The following VPS50 variants were observed in gnomAD, a reference collection of about 807,000 sequenced individuals.
VPS50 encodes syndetin.
Under a neutral mutation model 139.7 loss-of-function variants are expected in VPS50, and 70 were observed. That is an observed-to-expected ratio of 0.50 (90% CI 0.41 to 0.61). The LOEUF is 0.61. Among genes scored for constraint, VPS50 ranks in the 20% least tolerant of loss-of-function variants. The pLI, the probability that VPS50 is intolerant of heterozygous loss-of-function variation, is 0.00. For missense variants in VPS50, 921 were observed against 1,133.7 expected (o/e 0.81, Z 2.69); for synonymous variants, 365 against 376.7 (o/e 0.97, Z 0.36).
At chr7:93,330,773 A>AC (rs1336049194) in intron 21 of VPS50, among the ~76,000 whole-genome samples, 1 of 151,242 alleles carries the variant, frequency 6.6e-6, no homozygotes, top group Non-Finnish European at 1.5e-5. Flanking sequence ...AAAAAAAAAA[A>AC]AAAAAAAAAC....
intron 22 of VPS50, among the ~76,000 whole-genome samples, chr7:93,336,087 T>C (rs1257423636): frequency 6.6e-6 from 1 of 152,230 alleles, no homozygotes; most frequent in Admixed American, 6.5e-5. Context: ...AATTGATTTC[T>C]TGCTACTCAA....
intron 12 of VPS50, among the ~76,000 whole-genome samples, chr7:93,283,231 C>CTT (rs775610044): frequency 6.4e-5 from 9 of 140,612 alleles, no homozygotes; most frequent in African/African-American, 7.8e-5. Flanking sequence ...TTTTTCTTTT[C>CTT]TTTTTTTTTT....
chr7:93,331,567 T>C (rs1260589134), intron 21 of VPS50, among the ~76,000 whole-genome samples: 1 of 152,204 alleles, frequency 6.6e-6, no homozygotes, highest in African/African-American at 2.4e-5. Flanking sequence ...AACCCCTTCA[T>C]ACCATACACA....
intron 1 of VPS50, among the ~76,000 whole-genome samples, chr7:93,237,010 G>GC (rs1794827085): frequency 7.1e-6 from 1 of 141,154 alleles, no homozygotes; most frequent in Non-Finnish European, 1.5e-5. Context: ...GAGTGCAGTG[G>GC]AGCGATCTCG....
At chr7:93,297,522 C>G (rs115099610) in intron 16 of VPS50, among the ~76,000 whole-genome samples, 1,699 of 152,074 alleles carry the variant, frequency 0.011, 45 homozygotes, top group African/African-American at 0.039. Flanking sequence ...TCAAGGTTCA[C>G]AGAAAGAATT....
chr7:93,279,376 G>A (rs1796257100), intron 12 of VPS50, among the ~76,000 whole-genome samples: 1 of 152,148 alleles, frequency 6.6e-6, no homozygotes, highest in African/African-American at 2.4e-5. Context: ...ATAAAATATA[G>A]TGGTTAGCTG....
At chr7:93,235,066 C>T (rs1410833267) in intron 1 of VPS50, among the ~76,000 whole-genome samples, 8 of 151,930 alleles carry the variant, frequency 5.3e-5, no homozygotes, top group African/African-American at 1.9e-4. Flanking sequence ...AGGATGGCCA[C>T]GGAAGGCCTC....
chr7:93,323,739 C>T lies in VPS50; in HGVS notation c.1977+7C>T. 1 of 1,391,096 alleles carries T rather than the reference C, an allele frequency of 7.2e-7. No individual in the cohort carries two copies. Among genetic ancestry groups the T allele is most frequent in the Non-Finnish European group, 9.6e-7 (1 of 1,040,956 alleles). The allele number at this position is 1,391,096 out of a possible 1,614,324, so 86.2% of individuals were successfully genotyped here. A position where few individuals can be genotyped will look rare whatever the true frequency, so the allele number is the denominator to read the frequency against. ...TTTTGGTCGGAATGATTCAGTAAGT[C>T]CACCTTTAGAGGGAAAAAAATCTTT... is the stretch of plus-strand genomic sequence containing the variant. On this transcript the variant is annotated splice_region_variant and intron_variant, in intron 21 of 27. Transcript: ENST00000305866.
chr7:93,279,266 G>A (rs548057792), intron 12 of VPS50, among the ~76,000 whole-genome samples: 4 of 152,230 alleles, frequency 2.6e-5, no homozygotes, highest in African/African-American at 9.6e-5. Context: ...ATATTTGATG[G>A]TTAAATCAGG....
chr7:93,299,038 G>T (rs544031662), intron 16 of VPS50, among the ~76,000 whole-genome samples: 18 of 152,094 alleles, frequency 1.2e-4, no homozygotes, highest in Non-Finnish European at 2.1e-4. Context: ...ATTGTATATT[G>T]TAAAAATTGG....
intron 4 of VPS50, among the ~76,000 whole-genome samples, chr7:93,254,465 C>A (rs974335336): frequency 1.3e-5 from 2 of 152,092 alleles, no homozygotes; most frequent in African/African-American, 2.4e-5. Flanking sequence ...GATGACATCT[C>A]ACTGTTGCCC....
intron 21 of VPS50, chr7:93,333,775 T>C (rs1329215345): frequency 1.6e-5 from 4 of 251,040 alleles, no homozygotes; most frequent in Non-Finnish European, 3.0e-5. Flanking sequence ...CAGCACAGCA[T>C]ACCTTACATA....
rs565824673 is a variant in VPS50 at position 93,343,653 on chromosome 7, G to A, written c.2207+2078G>A. ...AGATCTCTCGGCAGAAACTCTACAA[G>A]CCAGAAGAGAGTAGGGGCCAATATT... On this transcript the variant is annotated intron_variant, in intron 23 of 27. Transcript: ENST00000305866. 1.5e-3 allele frequency among the ~76,000 whole-genome samples: 234 copies of A among 152,348 alleles called. 3 individuals are homozygous for A. Among genetic ancestry groups the A allele is most frequent in the African/African-American group, 5.6e-3 (231 of 41,582 alleles).
In VPS50 at chr7:93,299,226, T is replaced by C. The variant is rs769948453; in HGVS notation, c.1361+1983T>C. On this transcript the variant is annotated intron_variant, in intron 16 of 27. Coordinates refer to ENST00000305866, the MANE Select transcript of VPS50 (RefSeq NM_017667.4). ...TGGTAAAGTTGGTGCAAACCATCAA[T>C]GTGTTCTAAGGTATATTTGTTTCTT... Among the ~76,000 whole-genome samples, 46 of 152,236 alleles carry C rather than the reference T, an allele frequency of 3.0e-4. 1 individual carries two copies. Among genetic ancestry groups the C allele is most frequent in the Admixed American group, 2.6e-4 (4 of 15,276 alleles).
At position 93,274,932 on chromosome 7, in the gene VPS50, G is replaced by A. The variant is rs573353010; in HGVS notation, c.802-1233G>A. Among the ~76,000 whole-genome samples the A allele has an allele frequency of 3.9e-5, 6 of 152,248 alleles. No homozygotes were observed. In the South Asian group the frequency reaches 1.0e-3, roughly 26 times the overall value. ...TGATTCATGAGAGGAGGTCAAAATAGCAACATTAGCAGGAGTTTGGAAGAA... is the reference window on the plus strand; with the variant it reads ...TGATTCATGAGAGGAGGTCAAAATAACAACATTAGCAGGAGTTTGGAAGAA... On this transcript the variant is annotated intron_variant, in intron 11 of 27. Coordinates refer to ENST00000305866, the MANE Select transcript of VPS50 (RefSeq NM_017667.4).
chr7:93,280,339 A>T (rs1203390751), intron 12 of VPS50, among the ~76,000 whole-genome samples: 1 of 152,078 alleles, frequency 6.6e-6, no homozygotes, highest in Admixed American at 6.5e-5. Context: ...TCTTTTTTTA[A>T]AAAAAGTAGG....
At chr7:93,236,707 TTAG>T (rs1175693262) in intron 1 of VPS50, among the ~76,000 whole-genome samples, 3 of 152,182 alleles carry the variant, frequency 2.0e-5, no homozygotes, top group Admixed American at 1.3e-4. Context: ...ACTTCATTTG[TTAG>T]TAGAAGTTTA....
chr7:93,237,971 T>G (rs1054525770), intron 1 of VPS50, among the ~76,000 whole-genome samples: 1 of 152,212 alleles, frequency 6.6e-6, no homozygotes, highest in Non-Finnish European at 1.5e-5. Context: ...GATGGGTTTA[T>G]TGGAACATAA....
At chr7:93,347,107 A>C (rs183665150) in intron 23 of VPS50, among the ~76,000 whole-genome samples, 13,000 of 148,236 alleles carry the variant, frequency 0.088, 1,739 homozygotes, top group African/African-American at 0.26. Flanking sequence ...AGAATCTACA[A>C]TGAACTCAAA....
Sources: gnomAD v4.1 joint callset for allele counts (sites outside exome capture counted in the v4.1 genomes callset) on GRCh38, gnomAD v4.1.1 for gene constraint, MANE v1.5 for transcripts, NCBI Gene and HGNC (gene_info 2026-07-23, HGNC 2026-07-21) for gene names.